FBN1: variants seen among roughly 807,000 people sequenced by gnomAD.
The protein encoded by FBN1 is fibrillin 1, also known as fibrillin-1.
FBN1 carries 29 observed loss-of-function variants against 365.1 expected under a neutral mutation model. The observed-to-expected ratio is 0.08, with a 90% CI of 0.06 to 0.11. FBN1 has a LOEUF of 0.11. Ranked by LOEUF, FBN1 falls within the 10% of genes least tolerant of loss-of-function variation. FBN1 has a pLI of 1.00. For missense variants in FBN1, 2,476 were observed against 3,703.2 expected (o/e 0.67, Z 8.60); for synonymous variants, 1,210 against 1,270.5 (o/e 0.95, Z 1.01).
chr15:48,599,645 T>C (rs780933609), intron 5 of FBN1, among the ~76,000 whole-genome samples: 14 of 152,128 alleles, frequency 9.2e-5, no homozygotes, highest in Non-Finnish European at 1.9e-4. Context: ...ACCTTCAAAC[T>C]GAACACCATG....
intron 4 of FBN1, 135 bp downstream of exon 4, chr15:48,610,593 T>C: frequency 1.4e-6 from 1 of 699,280 alleles, no homozygotes. Context: ...CCAAGTATTT[T>C]GGGCAGAACA....
chr15:48,638,775 A>C (rs1799821791), intron 2 of FBN1, among the ~76,000 whole-genome samples: 1 of 152,184 alleles, frequency 6.6e-6, no homozygotes, highest in South Asian at 2.1e-4. Flanking sequence ...TGGAAAGAGA[A>C]ATACTTCTTG....
chr15:48,412,794 G>C (rs1429137767), intron 64 of FBN1, 51 bp from the exon 65 acceptor site: 1 of 1,605,670 alleles, frequency 6.2e-7, no homozygotes, highest in Non-Finnish European at 8.5e-7. Flanking sequence ...GGAAGACAAG[G>C]TAGGTGGTAC....
intron 44 of FBN1, among the ~76,000 whole-genome samples, 156 bp downstream of exon 44, chr15:48,456,481 G>C (rs1215482527): frequency 6.7e-6 from 1 of 148,798 alleles, no homozygotes; most frequent in Non-Finnish European, 1.5e-5. Context: ...TTTTTTTTTT[G>C]CATGAAATTT....
intron 59 of FBN1, 111 bp downstream of exon 59, chr15:48,425,628 G>T: frequency 6.5e-7 from 1 of 1,536,892 alleles, no homozygotes; most frequent in South Asian, 1.1e-5. Flanking sequence ...TGATTGTCCT[G>T]TGCTTTCCTA....
intron 8 of FBN1, among the ~76,000 whole-genome samples, chr15:48,531,194 C>T (rs1438064632): frequency 6.6e-6 from 1 of 152,096 alleles, no homozygotes; most frequent in Non-Finnish European, 1.5e-5. Flanking sequence ...TAAATCCCTT[C>T]AACTTGTTAA....
chr15:48,569,135 T>G (rs112364864), intron 6 of FBN1, among the ~76,000 whole-genome samples: 1 of 151,870 alleles, frequency 6.6e-6, no homozygotes, highest in Non-Finnish European at 1.5e-5. Flanking sequence ...TACAACTCAA[T>G]AAGAAGATAA....
chr15:48,439,470 C>A (rs1226648880), intron 50 of FBN1, among the ~76,000 whole-genome samples: 1 of 152,294 alleles, frequency 6.6e-6, no homozygotes, highest in East Asian at 1.9e-4. Context: ...CACTTTTGAT[C>A]TCTTTTATTC....
rs2043269657 is a variant in FBN1, at chr15:48,460,120, G to A, written c.5296+126C>T. On this transcript the variant is annotated intron_variant, in intron 43 of 65. Coordinates refer to ENST00000316623, the MANE Select transcript of FBN1 (RefSeq NM_000138.5). ...AGTTTGTTTCAAACTAAGAATCAGT[G>A]TTTCAATAAAGTGAAAGGCATTGTT... 10 of 729,020 alleles carry A rather than the reference G, an allele frequency of 1.4e-5. 1 individual carries two copies. The South Asian group carries it at 1.5e-4, about 11-fold the overall frequency. 45.2% of individuals were successfully genotyped at this position (729,020 alleles called of 1,614,324 possible). A position where few individuals can be genotyped will look rare whatever the true frequency, so the allele number is the denominator to read the frequency against.
Position 48,408,642 on chromosome 15 carries a change from T to C in FBN1, c.*2348A>G, listed in dbSNP as rs757291205. ...GTCACAGACAATTGAAAGGTACAGG[T>C]TTAAATCTCAGGATTAAAAAGAGTT... is the stretch of plus-strand genomic sequence containing the variant. On this transcript the variant is annotated 3_prime_UTR_variant, in exon 66 of 66. Coordinates refer to ENST00000316623, the MANE Select transcript of FBN1 (RefSeq NM_000138.5). The C allele has an allele frequency of 1.3e-5, 2 of 152,582 alleles. No homozygotes were observed. Among genetic ancestry groups the C allele is most frequent in the Non-Finnish European group, 2.9e-5 (2 of 68,016 alleles). The allele number at this position is 152,582 out of a possible 1,614,324, so 9.5% of individuals were successfully genotyped here.
At chr15:48,470,230 G>C (rs935205510) in intron 36 of FBN1, among the ~76,000 whole-genome samples, 1 of 152,106 alleles carries the variant, frequency 6.6e-6, no homozygotes, top group Admixed American at 6.5e-5. Flanking sequence ...GAGCAGGGCA[G>C]GGGTAGGAAG....
chr15:48,556,578 TA>T (rs2044182597), intron 6 of FBN1, among the ~76,000 whole-genome samples: 1 of 152,168 alleles, frequency 6.6e-6, no homozygotes, highest in South Asian at 2.1e-4. Flanking sequence ...CTTTGAAACC[TA>T]ACAAAAAGGG....
chr15:48,600,591 C>A (rs1295527853), intron 4 of FBN1, among the ~76,000 whole-genome samples: 1 of 152,170 alleles, frequency 6.6e-6, no homozygotes, highest in Non-Finnish European at 1.5e-5. Context: ...GTAATCCCAG[C>A]CACTCCGGAG....
chr15:48,483,002 T>C (rs989847653), intron 31 of FBN1, among the ~76,000 whole-genome samples: 3 of 152,142 alleles, frequency 2.0e-5, no homozygotes, highest in African/African-American at 4.8e-5. Flanking sequence ...TCCAAGTAAT[T>C]TACACTTCAG....
At chr15:48,467,749 C>G (rs1006879886) in intron 38 of FBN1, among the ~76,000 whole-genome samples, 189 bp downstream of exon 38, 1 of 152,164 alleles carries the variant, frequency 6.6e-6, no homozygotes, top group Non-Finnish European at 1.5e-5. Context: ...ACCTGCCCTA[C>G]CTGATCTTTT....
intron 6 of FBN1, among the ~76,000 whole-genome samples, chr15:48,568,734 C>A (rs2044280816): frequency 6.6e-6 from 1 of 151,994 alleles, no homozygotes; most frequent in South Asian, 2.1e-4. Context: ...CAAGGAAATT[C>A]AATGAGAAAA....
chr15:48,435,550 C>G (rs1320446443), intron 53 of FBN1, among the ~76,000 whole-genome samples: 1 of 151,804 alleles, frequency 6.6e-6, no homozygotes, highest in Non-Finnish European at 1.5e-5. Flanking sequence ...TGTGTTGATT[C>G]TGTTGAAACC....
intron 6 of FBN1, among the ~76,000 whole-genome samples, chr15:48,558,139 T>C (rs1261135511): frequency 6.6e-6 from 1 of 152,202 alleles, no homozygotes; most frequent in Non-Finnish European, 1.5e-5. Context: ...TTGTTCCATA[T>C]AAACTGTTAA....
Position 48,505,126 on chromosome 15 carries a change from G to T in FBN1, c.1859C>A (p.Pro620His). Residue 620 changes from proline (P) to histidine (H), a missense_variant, in exon 16 of 66, where the codon CCT becomes CAT. By Grantham distance (77) the Pro-to-His change is moderately conservative. This residue lies in a region of FBN1 where 1,780 missense variants were observed against 2,840.8 expected (regional missense o/e 0.63). Transcript: ENST00000316623. ...GCAACGCCCATTCATGCAGATCCCA[G>T]GGGTTTCACACTCGTTAATGTCTGT... is the stretch of plus-strand genomic sequence containing the variant. Reference protein sequence around the residue: ...YCKDINECETPGICMNGRCVN... With the variant: ...YCKDINECETHGICMNGRCVN... The T allele has an allele frequency of 6.2e-7, 1 of 1,614,120 alleles. No homozygotes were observed. Among genetic ancestry groups the T allele is most frequent in the Non-Finnish European group, 8.5e-7 (1 of 1,180,008 alleles).
Sources: gnomAD v4.1 joint callset for allele counts (sites outside exome capture counted in the v4.1 genomes callset) on GRCh38, gnomAD v4.1.1 for gene constraint, gnomAD v4.1.1 regional missense constraint, MANE v1.5 for transcripts, NCBI Gene and HGNC (gene_info 2026-07-23, HGNC 2026-07-21) for gene names.